Variants in CADM2 observed in about 807,000 individuals in gnomAD.
The protein encoded by CADM2 is cell adhesion molecule 2.
CADM2 carries 12 observed loss-of-function variants against 49.8 expected under a neutral mutation model. The observed-to-expected ratio is 0.24, with a 90% confidence interval of 0.15 to 0.39. The LOEUF (loss-of-function observed/expected upper bound fraction) is 0.39, where lower values mean the gene tolerates loss of function less well. CADM2 is among the 10% of genes least tolerant of loss of function. The pLI, the probability that CADM2 is intolerant of heterozygous loss-of-function variation, is 1.00. For synonymous variants in CADM2, 214 were observed against 175.4 expected (o/e 1.22, Z -1.74); for missense variants, 378 against 492.3 (o/e 0.77, Z 2.20).
chr3:85,939,524 A>G (rs1296003862), intron 7 of CADM2, among the ~76,000 whole-genome samples: 1 of 146,334 alleles, frequency 6.8e-6, no homozygotes, highest in Admixed American at 6.9e-5. Context: ...TTTATATTAC[A>G]TTAAAGTCAT....
intron 1 of CADM2, among the ~76,000 whole-genome samples, chr3:85,344,343 T>C (rs1317805145): frequency 6.6e-6 from 1 of 150,966 alleles, no homozygotes; most frequent in African/African-American, 2.4e-5. Context: ...ATTGCGCCAC[T>C]GCACTCCAGC....
At chr3:85,443,877 T>G (rs1559842979) in intron 1 of CADM2, among the ~76,000 whole-genome samples, 1 of 152,098 alleles carries the variant, frequency 6.6e-6, no homozygotes, top group Admixed American at 6.6e-5. Flanking sequence ...GCTCAGGTAT[T>G]TCGGTTGCCA....
rs138301740 is a variant in CADM2 at position 85,724,745 on chromosome 3, G to A, written c.62-1777G>A. On this transcript the variant is annotated intron_variant, in intron 1 of 9. Coordinates refer to ENST00000383699, the MANE Select transcript of CADM2 (RefSeq NM_001167675.2). ...TTATCGTTAAGAAATTGCTGGCATT[G>A]ATTATCTCAGTTGCTGACATTGGAA... is the stretch of plus-strand genomic sequence containing the variant. 1.8e-3 allele frequency among the ~76,000 whole-genome samples: 280 copies of A among 151,856 alleles called. 1 individual carries two copies. Among genetic ancestry groups the A allele is most frequent in the African/African-American group, 6.2e-3 (257 of 41,484 alleles).
chr3:84,959,384 A>G lies in CADM2; in HGVS notation c.-224A>G. On this transcript the variant is annotated 5_prime_UTR_variant, in exon 1 of 10. Coordinates refer to ENST00000383699, the MANE Select transcript of CADM2 (RefSeq NM_001167675.2). ...CGGCTGCACCACCAGCAGGAGGAGG[A>G]GGAGAAGAAACTATTTCGCGATACC... is the stretch of plus-strand genomic sequence containing the variant. 1 of 573,606 alleles carries G rather than the reference A, an allele frequency of 1.7e-6. No homozygotes were observed. The highest frequency in any genetic ancestry group is 3.1e-6 in the Non-Finnish European group (1 of 322,722). 35.5% of individuals were successfully genotyped at this position (573,606 alleles called of 1,614,324 possible). A position where few individuals can be genotyped will look rare whatever the true frequency, so the allele number is the denominator to read the frequency against.
intron 1 of CADM2, among the ~76,000 whole-genome samples, chr3:85,309,999 A>G (rs1373082254): frequency 6.6e-6 from 1 of 152,192 alleles, no homozygotes; most frequent in Non-Finnish European, 1.5e-5. Context: ...GACTCTTGCT[A>G]TAAATTCTTC....
intron 1 of CADM2, among the ~76,000 whole-genome samples, chr3:85,502,602 G>T (rs1290448524): frequency 6.6e-6 from 1 of 152,104 alleles, no homozygotes; most frequent in East Asian, 1.9e-4. Context: ...ATTTTCAACA[G>T]GAGTGACAGC....
At chr3:85,140,193 A>G (rs565525331) in intron 1 of CADM2, among the ~76,000 whole-genome samples, 2 of 152,316 alleles carry the variant, frequency 1.3e-5, no homozygotes, top group East Asian at 3.9e-4. Flanking sequence ...CTCTTGGATC[A>G]CGTACAGTTA....
At chr3:85,037,721 G>A (rs1323602223) in intron 1 of CADM2, among the ~76,000 whole-genome samples, 1 of 152,144 alleles carries the variant, frequency 6.6e-6, no homozygotes, top group Non-Finnish European at 1.5e-5. Context: ...TTGGGACAGA[G>A]TCTTTCCTAA....
chr3:85,800,324 C>T (rs2071924353), intron 2 of CADM2: 1 of 152,338 alleles, frequency 6.6e-6, no homozygotes, highest in South Asian at 2.1e-4. Flanking sequence ...TGCTGGGCTC[C>T]ATGGTGGTGG....
At chr3:85,152,399 T>C (rs2039953629) in intron 1 of CADM2, among the ~76,000 whole-genome samples, 1 of 152,178 alleles carries the variant, frequency 6.6e-6, no homozygotes, top group East Asian at 1.9e-4. Flanking sequence ...TCCTACTCTC[T>C]TATCCTGCTT....
chr3:85,722,023 G>C (rs2067521418), intron 1 of CADM2, among the ~76,000 whole-genome samples: 1 of 151,506 alleles, frequency 6.6e-6, no homozygotes, highest in Non-Finnish European at 1.5e-5. Context: ...TTGTCACATA[G>C]AGTGTTCACC....
chr3:85,198,263 A>C (rs571568266), intron 1 of CADM2, among the ~76,000 whole-genome samples: 31 of 151,948 alleles, frequency 2.0e-4, no homozygotes, highest in Admixed American at 5.9e-4. Flanking sequence ...TCTGTAATCT[A>C]GTTATCAGTT....
intron 1 of CADM2, among the ~76,000 whole-genome samples, chr3:85,436,315 A>G (rs1466240442): frequency 6.6e-6 from 1 of 152,064 alleles, no homozygotes; most frequent in African/African-American, 2.4e-5. Flanking sequence ...GCTTAAGGAG[A>G]TTTTGGGCTG....
chr3:85,941,752 A>G (rs993086222), intron 7 of CADM2, among the ~76,000 whole-genome samples: 1 of 152,084 alleles, frequency 6.6e-6, no homozygotes, highest in Non-Finnish European at 1.5e-5. Context: ...GTAGTTAGCA[A>G]GTTTTGACAA....
intron 3 of CADM2, among the ~76,000 whole-genome samples, chr3:85,872,329 G>A (rs1424718938): frequency 1.3e-5 from 2 of 152,086 alleles, no homozygotes; most frequent in Non-Finnish European, 2.9e-5. Context: ...TTTCAACCTA[G>A]CTACAAAGTA....
chr3:85,361,351 G>T (rs2032346134), intron 1 of CADM2, among the ~76,000 whole-genome samples: 2 of 152,114 alleles, frequency 1.3e-5, no homozygotes, highest in Admixed American at 6.6e-5. Flanking sequence ...TTTCTGATTG[G>T]TACACAGTCT....
chr3:85,433,723 A>G (rs1202081961), intron 1 of CADM2, among the ~76,000 whole-genome samples: 1 of 152,140 alleles, frequency 6.6e-6, no homozygotes, highest in Non-Finnish European at 1.5e-5. Flanking sequence ...ATATGGCTAG[A>G]TTAACAATCA....
At chr3:85,087,536 C>G (rs907088700) in intron 1 of CADM2, among the ~76,000 whole-genome samples, 2 of 152,048 alleles carry the variant, frequency 1.3e-5, no homozygotes, top group African/African-American at 4.8e-5. Context: ...TGCCCACATT[C>G]AGTTTATTTC....
chr3:86,015,813 G>T (rs1732153192), intron 8 of CADM2, among the ~76,000 whole-genome samples: 1 of 152,126 alleles, frequency 6.6e-6, no homozygotes, highest in African/African-American at 2.4e-5. Flanking sequence ...GGAATCAGAG[G>T]CCATGGGTAC....
Sources: allele counts gnomAD v4.1 joint callset (sites outside exome capture counted in the v4.1 genomes callset), GRCh38; gene constraint gnomAD v4.1.1; transcripts MANE v1.5; gene names NCBI Gene and HGNC (gene_info 2026-07-23, HGNC 2026-07-21).